The following FCHSD2 variants were observed in gnomAD, a reference collection of about 807,000 sequenced individuals.
FCHSD2 encodes the protein FCH and double SH3 domains 2.
FCHSD2 carries 38 observed loss-of-function variants against 108.1 expected under a neutral mutation model. The ratio of observed to expected loss-of-function variants is 0.35; its 90% CI spans 0.27 to 0.46. The LOEUF is 0.46. Among genes scored for constraint, FCHSD2 ranks in the 20% least tolerant of loss-of-function variants. The probability of loss-of-function intolerance (pLI) is 1.00; values close to 1 mark genes in which losing one functional copy is unlikely to be tolerated. For missense variants in FCHSD2, 751 were observed against 897.8 expected (o/e 0.84, Z 2.09); for synonymous variants, 279 against 314.7 (o/e 0.89, Z 1.20).
At chr11:72,952,394 G>A (rs532002504) in intron 8 of FCHSD2, among the ~76,000 whole-genome samples, 16 of 151,126 alleles carry the variant, frequency 1.1e-4, no homozygotes, top group Admixed American at 7.9e-4. Flanking sequence ...GCACTATTTC[G>A]GCTCACTGCA....
intron 4 of FCHSD2, among the ~76,000 whole-genome samples, chr11:73,010,373 T>C (rs1857836548): frequency 6.6e-6 from 1 of 152,248 alleles, no homozygotes. Context: ...ATCAACATTT[T>C]GAATTCTTTT....
At chr11:72,841,340 C>CAAAAAAAAAAA (rs59748827) in intron 18 of FCHSD2, 114 bp downstream of exon 18, 10 of 373,860 alleles carry the variant, frequency 2.7e-5, no homozygotes, top group East Asian at 9.4e-5. Flanking sequence ...ACTCTGTCTC[C>CAAAAAAAAAAA]AAAAAAAAAA....
At position 72,838,859 on chromosome 11, in the gene FCHSD2, G is replaced by T. The variant is rs760772829; in HGVS notation, c.2155C>A (p.Pro719Thr). 1 of 1,607,412 alleles carries T rather than the reference G, an allele frequency of 6.2e-7. No individual in the cohort carries two copies. The highest frequency in any genetic ancestry group is 8.5e-7 in the Non-Finnish European group (1 of 1,177,878). The change falls in exon 20 of 20, where the codon CCT (proline) becomes ACT (threonine). Residue 719 changes from proline to threonine, a missense_variant. Transcript: ENST00000409418. ...CTTCGGTGATTCTGTGTAGGTGGAG[G>T]GGGAGCTGCCCGGACCTGAGCAGGA... ...GKLRPVRAAP[P>T]PPTQNHRRPA...
At chr11:72,855,072 G>A (rs771808715) in intron 13 of FCHSD2, among the ~76,000 whole-genome samples, 3 of 152,178 alleles carry the variant, frequency 2.0e-5, no homozygotes, top group Admixed American at 6.5e-5. Context: ...TCGGGAGTTC[G>A]AAACCAGTCT....
At chr11:72,885,985 T>C (rs1855189527) in intron 12 of FCHSD2, among the ~76,000 whole-genome samples, 1 of 152,158 alleles carries the variant, frequency 6.6e-6, no homozygotes, top group Non-Finnish European at 1.5e-5. Context: ...ATCACTTCCA[T>C]GGGGCTGTAC....
chr11:72,960,923 A>C (rs907518160), intron 8 of FCHSD2, among the ~76,000 whole-genome samples: 8 of 152,192 alleles, frequency 5.3e-5, no homozygotes, highest in African/African-American at 1.9e-4. Context: ...TTAGGGAAAG[A>C]GGCACACATA....
chr11:72,847,109 GCCTGAGCCT>G (rs1400755334), intron 14 of FCHSD2, among the ~76,000 whole-genome samples: 2 of 152,160 alleles, frequency 1.3e-5, no homozygotes, highest in African/African-American at 4.8e-5. Context: ...TGATCCTCCT[GCCTGAGCCT>G]CCTGAATAGC....
chr11:73,106,551 C>T (rs755433602), intron 2 of FCHSD2, among the ~76,000 whole-genome samples: 2 of 152,008 alleles, frequency 1.3e-5, no homozygotes, highest in African/African-American at 2.4e-5. Context: ...CTGAATACTA[C>T]AACTTTAAGC....
chr11:73,141,263 C>G (rs1320964369), intron 1 of FCHSD2: 2 of 152,856 alleles, frequency 1.3e-5, no homozygotes, highest in Non-Finnish European at 2.9e-5. Context: ...AGCACGACAG[C>G]CTCCTCGCCC....
chr11:73,137,137 A>T (rs1861137225), intron 2 of FCHSD2, among the ~76,000 whole-genome samples: 1 of 152,232 alleles, frequency 6.6e-6, no homozygotes, highest in East Asian at 1.9e-4. Context: ...TTCCTCAGGC[A>T]ACTGAAGTTA....
chr11:73,127,575 T>C (rs1018062796), intron 2 of FCHSD2, among the ~76,000 whole-genome samples: 3 of 152,198 alleles, frequency 2.0e-5, no homozygotes, highest in Admixed American at 6.5e-5. Context: ...GAATGGCATC[T>C]GTGGGGCTCA....
intron 3 of FCHSD2, among the ~76,000 whole-genome samples, chr11:73,028,453 C>G (rs748903589): frequency 6.6e-5 from 10 of 152,156 alleles, no homozygotes; most frequent in African/African-American, 1.7e-4. Context: ...AATGCCTGTA[C>G]CCCCATTGTA....
At chr11:73,090,051 A>G (rs2135520953) in intron 2 of FCHSD2, among the ~76,000 whole-genome samples, 1 of 152,304 alleles carries the variant, frequency 6.6e-6, no homozygotes, top group South Asian at 2.1e-4. Context: ...CTACAAATTT[A>G]GTAACTGAAA....
At chr11:73,129,172 G>A (rs1332426300) in intron 2 of FCHSD2, among the ~76,000 whole-genome samples, 1 of 152,116 alleles carries the variant, frequency 6.6e-6, no homozygotes, top group Non-Finnish European at 1.5e-5. Flanking sequence ...CGCCTGGCCA[G>A]AGACTCTAAT....
chr11:72,982,463 A>T (rs984947939), intron 8 of FCHSD2, among the ~76,000 whole-genome samples: 1 of 152,260 alleles, frequency 6.6e-6, no homozygotes, highest in Non-Finnish European at 1.5e-5. Flanking sequence ...TGAAAATAAG[A>T]AAAAACAAAA....
At position 72,935,921 on chromosome 11, in the gene FCHSD2, G is replaced by C. The variant is rs1856290886; in HGVS notation, c.706-13971C>G. Among the ~76,000 whole-genome samples, 4 of 152,216 alleles carry C rather than the reference G, an allele frequency of 2.6e-5. No homozygotes were observed. In the South Asian group the frequency reaches 8.3e-4, roughly 32 times the overall value. ...CTCTTGCATTACTACTAGCATGCAAGATAAGTCAGATGTCTGAAAAAGGTC... is the reference window on the plus strand; with the variant it reads ...CTCTTGCATTACTACTAGCATGCAACATAAGTCAGATGTCTGAAAAAGGTC... On this transcript the variant is annotated intron_variant, in intron 8 of 19. Coordinates refer to ENST00000409418, the MANE Select transcript of FCHSD2 (RefSeq NM_014824.3).
chr11:73,028,794 G>A (rs183117431), intron 3 of FCHSD2, among the ~76,000 whole-genome samples: 1 of 152,138 alleles, frequency 6.6e-6, no homozygotes, highest in Non-Finnish European at 1.5e-5. Context: ...ATGATAGTGA[G>A]TTCTCATGAG....
intron 2 of FCHSD2, among the ~76,000 whole-genome samples, chr11:73,116,805 C>T (rs951423433): frequency 4.6e-5 from 7 of 152,082 alleles, no homozygotes; most frequent in Admixed American, 2.0e-4. Context: ...TCAAAGTGCA[C>T]GGATTACAGG....
At chr11:73,014,053 C>G (rs2135431186) in intron 4 of FCHSD2, among the ~76,000 whole-genome samples, 1 of 151,486 alleles carries the variant, frequency 6.6e-6, no homozygotes, top group African/African-American at 2.4e-5. Flanking sequence ...CCTAGAATTT[C>G]ATCTCTCCTC....
Sources: gnomAD v4.1 joint callset for allele counts (sites outside exome capture counted in the v4.1 genomes callset) on GRCh38, gnomAD v4.1.1 for gene constraint, MANE v1.5 for transcripts, NCBI Gene and HGNC (gene_info 2026-07-23, HGNC 2026-07-21) for gene names.